Variants in FER1L6 observed in about 807,000 individuals in gnomAD.
The protein encoded by FER1L6 is fer-1 like family member 6.
A neutral mutation model predicts 219.2 loss-of-function variants in FER1L6; 177 were observed. That is an observed-to-expected ratio of 0.81 (90% confidence interval 0.71 to 0.91). The LOEUF (loss-of-function observed/expected upper bound fraction) is 0.91, where lower values mean the gene tolerates loss of function less well. Ranked by LOEUF, FER1L6 falls within the 40% of genes least tolerant of loss-of-function variation. The pLI is 0.00. For synonymous variants in FER1L6, 768 were observed against 824.3 expected, an observed-to-expected ratio of 0.93 and a Z score of 1.17; for missense variants, 2,153 against 2,259.9, an observed-to-expected ratio of 0.95 and a Z score of 0.96.
intron 39 of FER1L6, among the ~76,000 whole-genome samples, chr8:124,107,042 G>A (rs886758279): frequency 4.7e-5 from 7 of 148,846 alleles, no homozygotes; most frequent in African/African-American, 1.2e-4. Context: ...TCCACCTCCC[G>A]GGTTCACGCC....
rs757446734 is a variant in FER1L6, at chr8:124,111,691, A to G, written c.5290-7153A>G. On this transcript the variant is annotated intron_variant, in intron 39 of 40. Coordinates refer to ENST00000522917, the MANE Select transcript of FER1L6 (RefSeq NM_001039112.2). This position sits in a 1 kb window ranked among gnomAD's most constrained non-coding sequence, Gnocchi z 5.0. Reference sequence around the variant, plus strand: ...TTCCTGACATTACCGTGGCATTTGTAAACTATCATGGCACTCGCCGGTGGG... The same window carrying G: ...TTCCTGACATTACCGTGGCATTTGTGAACTATCATGGCACTCGCCGGTGGG... Among the ~76,000 whole-genome samples the G allele has an allele frequency of 3.9e-5, 6 of 152,174 alleles. No individual in the cohort carries two copies. The highest frequency in any genetic ancestry group is 5.9e-5 in the Non-Finnish European group (4 of 68,040).
intron 14 of FER1L6, 73 bp from the exon 15 acceptor site, chr8:124,013,358 A>G: frequency 1.3e-6 from 1 of 798,278 alleles, no homozygotes; most frequent in Non-Finnish European, 1.9e-6. Flanking sequence ...TTTCTAGTAC[A>G]TTATAATTAG....
At chr8:123,873,397 G>T (rs977618689) in intron 1 of FER1L6, among the ~76,000 whole-genome samples, 4 of 152,130 alleles carry the variant, frequency 2.6e-5, no homozygotes, top group African/African-American at 9.7e-5. Flanking sequence ...TTCCCTCCTT[G>T]CTGTAATGAA....
At chr8:124,106,949 T>C (rs796700709) in intron 39 of FER1L6, among the ~76,000 whole-genome samples, 12 of 144,686 alleles carry the variant, frequency 8.3e-5, no homozygotes, top group African/African-American at 2.0e-4. Context: ...GTTTTCTTTT[T>C]TTTTTTTTTT....
intron 37 of FER1L6, among the ~76,000 whole-genome samples, chr8:124,098,238 G>A (rs889454400): frequency 6.6e-6 from 1 of 152,326 alleles, no homozygotes; most frequent in South Asian, 2.1e-4. Flanking sequence ...AGATTGTGAA[G>A]CTAATGGGAA....
chr8:124,004,675 T>C (rs1817578291), intron 13 of FER1L6, among the ~76,000 whole-genome samples: 1 of 152,062 alleles, frequency 6.6e-6, no homozygotes, highest in South Asian at 2.1e-4. Flanking sequence ...AGCCCACCAT[T>C]CTGAGTCCTC....
intron 1 of FER1L6, among the ~76,000 whole-genome samples, chr8:123,949,364 G>A (rs993866711): frequency 2.0e-5 from 3 of 152,020 alleles, no homozygotes; most frequent in African/African-American, 7.3e-5. Context: ...AAAAAAAAAT[G>A]AGGTTCAGAG....
chr8:123,975,334 A>G (rs1816022550), intron 8 of FER1L6, 28 bp downstream of exon 8: 1 of 1,561,030 alleles, frequency 6.4e-7, no homozygotes, highest in Non-Finnish European at 8.7e-7. Flanking sequence ...TGGGTTGTGC[A>G]TAGAAATGAT....
intron 2 of FER1L6, among the ~76,000 whole-genome samples, chr8:123,959,954 T>G (rs1296645400): frequency 6.6e-6 from 1 of 152,214 alleles, no homozygotes; most frequent in Non-Finnish European, 1.5e-5. Flanking sequence ...TTCTTTTGTC[T>G]TACGGGCAAG....
chr8:124,047,865 A>G (rs1819808251), intron 21 of FER1L6, among the ~76,000 whole-genome samples: 1 of 152,226 alleles, frequency 6.6e-6, no homozygotes, highest in Non-Finnish European at 1.5e-5. Flanking sequence ...TGCTGGACCC[A>G]TGCTTCCAGT....
intron 7 of FER1L6, among the ~76,000 whole-genome samples, chr8:123,974,544 G>A (rs1815962919): frequency 6.6e-6 from 1 of 151,344 alleles, no homozygotes; most frequent in African/African-American, 2.4e-5. Flanking sequence ...GCTGTGGCAG[G>A]AGAATGGCTT....
chr8:123,877,963 A>G (rs183337018), intron 1 of FER1L6, among the ~76,000 whole-genome samples: 2 of 152,292 alleles, frequency 1.3e-5, no homozygotes, highest in African/African-American at 4.8e-5. Context: ...AGAGCTCTAT[A>G]GAAATCTTTT....
intron 12 of FER1L6, among the ~76,000 whole-genome samples, chr8:123,998,317 C>A (rs564628761): frequency 2.1e-5 from 3 of 142,430 alleles, no homozygotes; most frequent in Non-Finnish European, 4.5e-5. Context: ...CAAAAGAATT[C>A]TCTTGATTAA....
chr8:123,946,813 A>G (rs1272234671), intron 1 of FER1L6, among the ~76,000 whole-genome samples: 1 of 151,872 alleles, frequency 6.6e-6, no homozygotes, highest in Non-Finnish European at 1.5e-5. Flanking sequence ...TCCAACTCCT[A>G]CTTGAGCTCG....
intron 33 of FER1L6, among the ~76,000 whole-genome samples, chr8:124,085,051 A>G: frequency 6.6e-6 from 1 of 151,960 alleles, no homozygotes; most frequent in Middle Eastern, 3.2e-3. Context: ...TAATTTCCAA[A>G]TTTTCCAATT....
In FER1L6 at chr8:124,017,384, T is replaced by G. The variant is rs545740491; in HGVS notation, c.1923-244T>G. 1.0e-3 allele frequency among the ~76,000 whole-genome samples: 153 copies of G among 152,326 alleles called. 1 individual carries two copies. The highest frequency in any genetic ancestry group is 3.6e-3 in the African/African-American group (149 of 41,586). ...TTATAGCAATCACAATGGATTGTAC[T>G]GAAAGAAAGTGGAAAAAAAAATCTG... On this transcript the variant is annotated intron_variant, in intron 15 of 40. Transcript: ENST00000522917.
intron 26 of FER1L6, among the ~76,000 whole-genome samples, chr8:124,066,076 C>G (rs1378951115): frequency 6.6e-6 from 1 of 152,158 alleles, no homozygotes; most frequent in African/African-American, 2.4e-5. Flanking sequence ...GAAGCTAATG[C>G]CTTTTCTGCT....
intron 34 of FER1L6, among the ~76,000 whole-genome samples, chr8:124,094,089 T>C (rs966317585): frequency 4.6e-5 from 7 of 152,162 alleles, no homozygotes; most frequent in African/African-American, 1.7e-4. Context: ...GAGAGCACAT[T>C]TCCTGTGGGT....
chr8:123,990,371 A>G (rs912421965), intron 12 of FER1L6, among the ~76,000 whole-genome samples: 1 of 152,158 alleles, frequency 6.6e-6, no homozygotes, highest in African/African-American at 2.4e-5. Flanking sequence ...TTTTCACCAC[A>G]TTCACGCCAA....
Sources: allele counts gnomAD v4.1 joint callset (sites outside exome capture counted in the v4.1 genomes callset), GRCh38; gene constraint gnomAD v4.1.1; non-coding constraint Gnocchi (gnomAD v3.1); transcripts MANE v1.5; gene names NCBI Gene and HGNC (gene_info 2026-07-23, HGNC 2026-07-21).